The following RBMS1 variants were observed in gnomAD, a reference collection of about 807,000 sequenced individuals.
RBMS1 encodes the protein RNA binding motif single stranded interacting protein 1, also known as RNA-binding motif, single-stranded-interacting protein 1.
In RBMS1, 17 loss-of-function variants were observed where a neutral mutation model predicts 62.3. That is an observed-to-expected ratio of 0.27 (90% confidence interval 0.19 to 0.41). The LOEUF (loss-of-function observed/expected upper bound fraction) is 0.41, where lower values mean the gene tolerates loss of function less well. RBMS1 is among the 10% of genes least tolerant of loss of function. RBMS1 has a pLI of 1.00. For missense variants in RBMS1, 334 were observed against 504.5 expected, an observed-to-expected ratio of 0.66 and a Z score of 3.24; for synonymous variants, 172 against 170.0, an observed-to-expected ratio of 1.01 and a Z score of -0.09.
At chr2:160,414,146 T>C (rs1290596437) in intron 1 of RBMS1, among the ~76,000 whole-genome samples, 3 of 152,206 alleles carry the variant, frequency 2.0e-5, no homozygotes, top group Non-Finnish European at 1.5e-5. Context: ...TGGATTTACA[T>C]TGAATTTCCA....
At chr2:160,366,365 CAA>C (rs1220110546) in intron 2 of RBMS1, among the ~76,000 whole-genome samples, 1 of 152,164 alleles carries the variant, frequency 6.6e-6, no homozygotes, top group Non-Finnish European at 1.5e-5. Flanking sequence ...CATTCTCTAG[CAA>C]AAGTCTTCTA....
intron 4 of RBMS1, among the ~76,000 whole-genome samples, chr2:160,311,303 A>C (rs1303350656): frequency 6.8e-6 from 1 of 146,212 alleles, no homozygotes; most frequent in Non-Finnish European, 1.5e-5. Context: ...AGAAAATCTA[A>C]AGTAAGTCCA....
chr2:160,348,785 C>CA (rs1692324751), intron 2 of RBMS1, among the ~76,000 whole-genome samples: 1 of 152,090 alleles, frequency 6.6e-6, no homozygotes, highest in Non-Finnish European at 1.5e-5. Context: ...AAATGTATCT[C>CA]AATGCATCCT....
chr2:160,332,289 G>A (rs1200473950), intron 2 of RBMS1, among the ~76,000 whole-genome samples: 1 of 152,120 alleles, frequency 6.6e-6, no homozygotes, highest in African/African-American at 2.4e-5. Flanking sequence ...AAGAATAGCG[G>A]CAAAGATACC....
chr2:160,393,506 G>A (rs781628599), intron 1 of RBMS1, among the ~76,000 whole-genome samples: 8 of 152,096 alleles, frequency 5.3e-5, no homozygotes, highest in Non-Finnish European at 8.8e-5. Flanking sequence ...GGCCGGGCGC[G>A]GTGGCTCACA....
At chr2:160,349,572 A>AGAGAGAGAGAAAGGAAGGGAGG (rs1201215676) in intron 2 of RBMS1, among the ~76,000 whole-genome samples, 12 of 151,464 alleles carry the variant, frequency 7.9e-5, no homozygotes, top group Non-Finnish European at 1.5e-5. Context: ...AGAGAGAGAG[A>AGAGAGAGAGAAAGGAAGGGAGG]GAGAGAGAGA....
chr2:160,464,697 T>C (rs1684615507), intron 1 of RBMS1, among the ~76,000 whole-genome samples: 1 of 152,238 alleles, frequency 6.6e-6, no homozygotes, highest in Non-Finnish European at 1.5e-5. Flanking sequence ...ATTTTCCATT[T>C]AAAAGTCACA....
chr2:160,354,997 C>T lies in RBMS1; in HGVS notation c.251+12219G>A, dbSNP rs371847896. Among the ~76,000 whole-genome samples, 35 of 152,226 alleles carry T rather than the reference C, an allele frequency of 2.3e-4. 1 individual carries two copies. The highest frequency in any genetic ancestry group is 1.5e-3 in the East Asian group (8 of 5,164). ...CTTCCTTTCCTCCCACTCAGTTCCA[C>T]GGCTCTCTCACGAAATTTCGTCTCA... On this transcript the variant is annotated intron_variant, in intron 2 of 13. Coordinates refer to ENST00000348849, the MANE Select transcript of RBMS1 (RefSeq NM_016836.4).
intron 2 of RBMS1, 115 bp from the exon 3 acceptor site, chr2:160,318,342 A>C (rs1690353306): frequency 1.4e-6 from 2 of 1,382,370 alleles, no homozygotes; most frequent in East Asian, 5.6e-5. Context: ...AAACATCTGC[A>C]AACTTTAGAG....
At chr2:160,427,750 G>A (rs1226679993) in intron 1 of RBMS1, among the ~76,000 whole-genome samples, 1 of 152,154 alleles carries the variant, frequency 6.6e-6, no homozygotes, top group African/African-American at 2.4e-5. Context: ...CAGGGTGCCT[G>A]TGTCCAGTTT....
At position 160,493,575 on chromosome 2, in the gene RBMS1, C is replaced by CTCT. The variant is rs1559621751; in HGVS notation, c.-213_-212insAGA. The CTCT allele has an allele frequency of 2.6e-5, 11 of 419,932 alleles. No individual in the cohort carries two copies. Among genetic ancestry groups the CTCT allele is most frequent in the African/African-American group, 6.9e-5 (3 of 43,452 alleles). The allele number at this position is 419,932 out of a possible 1,614,324, so 26.0% of individuals were successfully genotyped here. A position where few individuals can be genotyped will look rare whatever the true frequency, so the allele number is the denominator to read the frequency against. On this transcript the variant is annotated 5_prime_UTR_variant, in exon 1 of 14. Coordinates refer to ENST00000348849, the MANE Select transcript of RBMS1 (RefSeq NM_016836.4). ...CCTCCTCCTCCTCCTCCTCCTCTTC[C>CTCT]TCCTCCTCCTCCTCCTCCCAGGCAG...
At chr2:160,299,614 A>G (rs1051487927) in intron 6 of RBMS1, among the ~76,000 whole-genome samples, 1 of 152,246 alleles carries the variant, frequency 6.6e-6, no homozygotes, top group African/African-American at 2.4e-5. Flanking sequence ...CCTCAAGGAC[A>G]GCTTCGAAAC....
chr2:160,469,456 C>A (rs887046483), intron 1 of RBMS1, among the ~76,000 whole-genome samples: 1 of 152,108 alleles, frequency 6.6e-6, no homozygotes. Context: ...GGCTGCAGGG[C>A]CTTGAGAGCT....
intron 1 of RBMS1, among the ~76,000 whole-genome samples, chr2:160,420,278 A>T (rs1000362961): frequency 1.3e-5 from 2 of 152,030 alleles, no homozygotes; most frequent in African/African-American, 4.8e-5. Flanking sequence ...GCTGCCCATG[A>T]ACTCACTCTT....
intron 2 of RBMS1, among the ~76,000 whole-genome samples, chr2:160,365,630 T>C (rs1243326158): frequency 6.6e-6 from 1 of 152,220 alleles, no homozygotes; most frequent in East Asian, 1.9e-4. Flanking sequence ...ACATCAAAAC[T>C]CACCCTACAT....
chr2:160,437,636 G>C (rs1683164731), intron 1 of RBMS1, among the ~76,000 whole-genome samples: 1 of 152,212 alleles, frequency 6.6e-6, no homozygotes, highest in Non-Finnish European at 1.5e-5. Context: ...CGTCTGGATC[G>C]ACTTCCCAAG....
chr2:160,369,091 AAT>A (rs1693585470), intron 1 of RBMS1, among the ~76,000 whole-genome samples: 1 of 152,210 alleles, frequency 6.6e-6, no homozygotes, highest in Non-Finnish European at 1.5e-5. Flanking sequence ...GCAAAGGGTC[AAT>A]AATAGTCAAT....
At chr2:160,353,494 A>C (rs1489093573) in intron 2 of RBMS1, among the ~76,000 whole-genome samples, 4 of 152,132 alleles carry the variant, frequency 2.6e-5, no homozygotes, top group Non-Finnish European at 1.5e-5. Flanking sequence ...TCCTTCATAC[A>C]ATTCTTCATA....
At chr2:160,463,228 AG>A in intron 1 of RBMS1, among the ~76,000 whole-genome samples, 1 of 152,252 alleles carries the variant, frequency 6.6e-6, no homozygotes, top group East Asian at 1.9e-4. Flanking sequence ...AGGTTCAAAA[AG>A]ATGTTCAGAG....
Sources: allele counts gnomAD v4.1 joint callset (sites outside exome capture counted in the v4.1 genomes callset), GRCh38; gene constraint gnomAD v4.1.1; transcripts MANE v1.5; gene names NCBI Gene and HGNC (gene_info 2026-07-23, HGNC 2026-07-21).